Variants in LRP1B observed in about 807,000 individuals in gnomAD.
LRP1B encodes the protein low-density lipoprotein receptor-related protein 1B.
In LRP1B, 217 loss-of-function variants were observed where a neutral mutation model predicts 556.6. That is an observed-to-expected ratio of 0.39 (90% CI 0.35 to 0.44). The LOEUF is 0.44. Ranked by LOEUF, LRP1B falls within the 20% of genes least tolerant of loss-of-function variation. The pLI is 1.00. For synonymous variants in LRP1B, 2,047 were observed against 1,865.8 expected (o/e 1.10, Z -2.50); for missense variants, 5,053 against 5,620.8 (o/e 0.90, Z 3.23).
chr2:142,095,383 T>C lies in LRP1B; in HGVS notation c.82+35265A>G, dbSNP rs184545554. On this transcript the variant is annotated intron_variant, in intron 1 of 90. Transcript: ENST00000389484. Reference sequence around the variant, plus strand: ...GGAGTAAGTAGTTCAGTAGACTCCATAGTTTATAGTTCCCTAATAATCATT... The same window carrying C: ...GGAGTAAGTAGTTCAGTAGACTCCACAGTTTATAGTTCCCTAATAATCATT... Among the ~76,000 whole-genome samples the C allele has an allele frequency of 1.9e-3, 296 of 151,950 alleles. 1 individual carries two copies. The highest frequency in any genetic ancestry group is 3.3e-3 in the Admixed American group (51 of 15,230).
At chr2:140,980,807 C>A (rs1696747126) in intron 18 of LRP1B, among the ~76,000 whole-genome samples, 1 of 152,222 alleles carries the variant, frequency 6.6e-6, no homozygotes, top group Non-Finnish European at 1.5e-5. Flanking sequence ...TTTAGAGCAG[C>A]ACAATTTGCA....
intron 2 of LRP1B, among the ~76,000 whole-genome samples, chr2:141,516,666 A>G (rs1221924167): frequency 6.7e-6 from 1 of 150,088 alleles, no homozygotes; most frequent in Non-Finnish European, 1.5e-5. Flanking sequence ...CACCGGAGTA[A>G]GGAGCAAGAC....
intron 85 of LRP1B, among the ~76,000 whole-genome samples, chr2:140,272,039 T>A (rs186258144): frequency 2.6e-5 from 4 of 152,076 alleles, no homozygotes; most frequent in Admixed American, 2.6e-4. Context: ...CCTGATTGCT[T>A]TTAAACCTGT....
chr2:140,617,195 T>C (rs1683287962), intron 41 of LRP1B, among the ~76,000 whole-genome samples: 1 of 151,950 alleles, frequency 6.6e-6, no homozygotes. Context: ...TTTCTTTTTG[T>C]CTAACTGCAC....
chr2:141,196,171 G>A (rs544239951), intron 6 of LRP1B, among the ~76,000 whole-genome samples: 1 of 151,982 alleles, frequency 6.6e-6, no homozygotes, highest in Non-Finnish European at 1.5e-5. Flanking sequence ...CTATCATACA[G>A]TAAATGTGCA....
chr2:141,408,971 T>C (rs996707268), intron 3 of LRP1B, among the ~76,000 whole-genome samples: 11 of 152,202 alleles, frequency 7.2e-5, no homozygotes, highest in African/African-American at 2.7e-4. Flanking sequence ...TTGCAGCAAG[T>C]TCTATTACAT....
intron 3 of LRP1B, among the ~76,000 whole-genome samples, chr2:141,401,503 A>G (rs148025645): frequency 0.018 from 2,691 of 152,246 alleles, 40 homozygotes; most frequent in Middle Eastern, 0.037. Context: ...GTCTGTGTTG[A>G]GCAGATGGTC....
At chr2:141,544,390 C>CTT (rs1685469785) in intron 2 of LRP1B, among the ~76,000 whole-genome samples, 2 of 41,336 alleles carry the variant, frequency 4.8e-5, no homozygotes, top group African/African-American at 1.8e-4. Flanking sequence ...TTCTCCTCCT[C>CTT]CTCCTCCTCC....
intron 2 of LRP1B, among the ~76,000 whole-genome samples, chr2:141,633,854 C>G (rs1458898610): frequency 1.3e-5 from 2 of 151,938 alleles, no homozygotes; most frequent in African/African-American, 2.4e-5. Flanking sequence ...GTAAGATTAA[C>G]CACATGTGCT....
At chr2:141,497,233 T>A (rs901146912) in intron 2 of LRP1B, among the ~76,000 whole-genome samples, 23 of 152,034 alleles carry the variant, frequency 1.5e-4, no homozygotes, top group African/African-American at 5.5e-4. Context: ...TCTGGAAAAG[T>A]GAGGTGGAGA....
At chr2:141,395,363 GTTC>G (rs1559047351) in intron 3 of LRP1B, among the ~76,000 whole-genome samples, 1 of 151,906 alleles carries the variant, frequency 6.6e-6, no homozygotes, top group Non-Finnish European at 1.5e-5. Flanking sequence ...TGATACACAA[GTTC>G]TTATTATTTT....
intron 2 of LRP1B, among the ~76,000 whole-genome samples, chr2:141,778,644 A>G (rs1450431281): frequency 6.6e-6 from 1 of 152,242 alleles, no homozygotes; most frequent in African/African-American, 2.4e-5. Flanking sequence ...TTTCAAAACA[A>G]ATGTATGGTA....
At chr2:141,184,377 A>AAAATC (rs1327827741) in intron 7 of LRP1B, among the ~76,000 whole-genome samples, 1 of 151,932 alleles carries the variant, frequency 6.6e-6, no homozygotes, top group East Asian at 2.0e-4. Flanking sequence ...GGCCATCAAA[A>AAAATC]AAATCATCTG....
Position 140,656,649 on chromosome 2 carries a change from C to T in LRP1B, c.6799+43601G>A, listed in dbSNP as rs542150131. Among the ~76,000 whole-genome samples, 12 of 152,142 alleles carry T rather than the reference C, an allele frequency of 7.9e-5. 1 individual carries two copies. In the South Asian group the frequency reaches 1.9e-3, roughly 24 times the overall value. On this transcript the variant is annotated intron_variant, in intron 41 of 90. Coordinates refer to ENST00000389484, the MANE Select transcript of LRP1B (RefSeq NM_018557.3). Reference sequence around the variant, plus strand: ...TTGCGGACTACTTCTGATTTTTCTGCTTGTATTAGATGTGCAAGTGTATGT... The same window carrying T: ...TTGCGGACTACTTCTGATTTTTCTGTTTGTATTAGATGTGCAAGTGTATGT...
At chr2:141,863,651 C>T (rs1425075938) in intron 1 of LRP1B, among the ~76,000 whole-genome samples, 1 of 152,182 alleles carries the variant, frequency 6.6e-6, no homozygotes, top group East Asian at 1.9e-4. Flanking sequence ...ATAAAAACAG[C>T]ATGACTATGT....
chr2:141,529,332 A>G (rs989333450), intron 2 of LRP1B, among the ~76,000 whole-genome samples: 4 of 152,210 alleles, frequency 2.6e-5, no homozygotes, highest in Admixed American at 1.3e-4. Flanking sequence ...CCTAATAGAT[A>G]TTTGATGTGA....
At chr2:140,362,883 T>C (rs1390881887) in intron 72 of LRP1B, among the ~76,000 whole-genome samples, 1 of 151,666 alleles carries the variant, frequency 6.6e-6, no homozygotes, top group Non-Finnish European at 1.5e-5. Context: ...TTCTAAGCTC[T>C]GTGAGGTGAG....
intron 2 of LRP1B, among the ~76,000 whole-genome samples, chr2:141,640,291 A>C (rs1390146512): frequency 6.6e-6 from 1 of 152,212 alleles, no homozygotes; most frequent in African/African-American, 2.4e-5. Context: ...TATTTTGAAT[A>C]CACTGAACAT....
rs191906931 is a variant in LRP1B at position 142,060,812 on chromosome 2, G to T, written c.82+69836C>A. ...AAATCAGCTTAAAATAAGATAATAG[G>T]TTAATAGAGCAATTAATTTGTCAAT... On this transcript the variant is annotated intron_variant, in intron 1 of 90. Transcript: ENST00000389484. 1.2e-4 allele frequency among the ~76,000 whole-genome samples: 18 copies of T among 152,124 alleles called. No homozygotes were observed. In the East Asian group the frequency reaches 3.5e-3, roughly 30 times the overall value.
Sources: allele counts gnomAD v4.1 joint callset (sites outside exome capture counted in the v4.1 genomes callset), GRCh38; gene constraint gnomAD v4.1.1; transcripts MANE v1.5; gene names NCBI Gene and HGNC (gene_info 2026-07-23, HGNC 2026-07-21).